Variants in SRPRB observed in about 807,000 individuals in gnomAD.
SRPRB encodes SRP receptor subunit beta, also known as signal recognition particle receptor subunit beta.
In SRPRB, 20 loss-of-function variants were observed where a neutral mutation model predicts 31.9. The ratio of observed to expected loss-of-function variants is 0.63; its 90% confidence interval spans 0.44 to 0.91. The LOEUF (loss-of-function observed/expected upper bound fraction) is 0.91, where lower values mean the gene tolerates loss of function less well. SRPRB is among the 40% of genes least tolerant of loss of function. The probability of loss-of-function intolerance (pLI) is 0.00; values close to 1 mark genes in which losing one functional copy is unlikely to be tolerated. For synonymous variants in SRPRB, 146 were observed against 132.8 expected, an observed-to-expected ratio of 1.10 and a Z score of -0.68; for missense variants, 321 against 324.9, an observed-to-expected ratio of 0.99 and a Z score of 0.09.
chr3:133,815,564 C>T, intron 4 of SRPRB, 26 bp from the exon 5 acceptor site: 1 of 1,611,272 alleles, frequency 6.2e-7, no homozygotes, highest in Non-Finnish European at 8.5e-7. Flanking sequence ...GTTCACATGC[C>T]AGTTTTTCTT....
upstream of SRPRB, among the ~76,000 whole-genome samples, chr3:133,801,775 G>C (rs1935066230): frequency 1.3e-5 from 2 of 152,204 alleles, no homozygotes; most frequent in East Asian, 3.8e-4. Flanking sequence ...AGGACCATAA[G>C]AAATAAGAGA....
chr3:133,793,030 T>G (rs1934879142), intron 1 of SRPRB: 1 of 152,208 alleles, frequency 6.6e-6, no homozygotes, highest in Non-Finnish European at 1.5e-5. Flanking sequence ...TACAAGGTTT[T>G]CTTAAAAATT....
At chr3:133,819,032 G>A (rs1935417236) in intron 6 of SRPRB, among the ~76,000 whole-genome samples, 1 of 152,112 alleles carries the variant, frequency 6.6e-6, no homozygotes, top group African/African-American at 2.4e-5. Flanking sequence ...GTGGCAGTAA[G>A]GGGACTTACA....
downstream of SRPRB, chr3:133,827,761 C>CCCCCCCCCCCCCCCCCCCCCCCCCA: frequency 1.0e-5 from 1 of 96,560 alleles, no homozygotes; most frequent in Non-Finnish European, 2.2e-5. Flanking sequence ...CCCCCCCCCC[C>CCCCCCCCCCCCCCCCCCCCCCCCCA]GCCTCCCCAT....
chr3:133,819,476 G>A, intron 6 of SRPRB, 77 bp from the exon 7 acceptor site: 9 of 1,387,212 alleles, frequency 6.5e-6, no homozygotes, highest in Non-Finnish European at 9.1e-6. Flanking sequence ...AATGAGTGCT[G>A]AAATGTTTAG....
chr3:133,799,724 G>C (rs376016438), intron 1 of SRPRB, among the ~76,000 whole-genome samples: 16 of 152,132 alleles, frequency 1.1e-4, no homozygotes, highest in East Asian at 7.7e-4. Context: ...ATTCTCCAAA[G>C]GTCCCAGCTA....
At chr3:133,792,432 CT>C (rs1934864088) in intron 1 of SRPRB, 1 of 152,206 alleles carries the variant, frequency 6.6e-6, no homozygotes, top group Non-Finnish European at 1.5e-5. Flanking sequence ...CACTATGACT[CT>C]TAACTCTACA....
rs1365829049 is a variant in SRPRB, at chr3:133,790,305, GC to G, written c.-174+6162del. ...CATATCTGATAGTTCAGGATTTCTA[GC>G]TTTTTAGCGTTTCACTAAAGTTTTA... On this transcript the variant is annotated intron_variant, in intron 1 of 7. Coordinates refer to the SRPRB transcript ENST00000466490. The G allele has an allele frequency of 2.0e-5, 3 of 152,170 alleles. 1 individual carries two copies. The highest frequency in any genetic ancestry group is 7.2e-5 in the African/African-American group (3 of 41,452). 9.4% of individuals were successfully genotyped at this position (152,170 alleles called of 1,614,324 possible). A position where few individuals can be genotyped will look rare whatever the true frequency, so the allele number is the denominator to read the frequency against.
Position 133,819,640 on chromosome 3 carries a change from A to T in SRPRB, c.690A>T (p.Lys230Asn), listed in dbSNP as rs2107977218. 6.2e-7 allele frequency: 1 copy of T among 1,614,050 alleles called. No individual in the cohort carries two copies. Among genetic ancestry groups the T allele is most frequent in the East Asian group, 2.2e-5 (1 of 44,896 alleles). ...TAPAQLGKKG[K>N]EFEFSQLPLK... ...CTGCTCAGCTGGGGAAGAAAGGCAAAGAGTTTGAATTCTCACAGTTGCCCC... is the reference window on the plus strand; with the variant it reads ...CTGCTCAGCTGGGGAAGAAAGGCAATGAGTTTGAATTCTCACAGTTGCCCC... Residue 230 changes from lysine to asparagine, a missense_variant, in exon 7 of 7, where the codon AAA becomes AAT. Lys to Asn is a moderately conservative substitution (Grantham distance 94, BLOSUM62 0). Transcript: ENST00000678299.
At chr3:133,825,895 C>G (rs553522893), downstream of SRPRB, 1 of 152,356 alleles carries the variant, frequency 6.6e-6, no homozygotes, top group African/African-American at 2.4e-5. Flanking sequence ...GCTAACCCAT[C>G]TGGATTCAGC....
Position 133,811,143 on chromosome 3 carries a change from TC to T in SRPRB, c.357del (p.Gly120AlafsTer5). The T allele has an allele frequency of 6.2e-7, 1 of 1,614,208 alleles. No homozygotes were observed. ...RGNSLTLIDL[P>X]GHESLRLQFL... ...GCAATAGTCTGACCTTGATTGACCT[TC>T]CCGGCCATGAGAGTTTGAGGCTTCA... On this transcript the variant is annotated frameshift_variant, in exon 4 of 7. Transcript: ENST00000678299. LOFTEE classifies it high-confidence loss of function.
At chr3:133,796,622 C>A (rs142620411) in intron 1 of SRPRB, 1 of 152,164 alleles carries the variant, frequency 6.6e-6, no homozygotes, top group Admixed American at 6.5e-5. Context: ...TTTCAATAAA[C>A]CTCTGCTTTT....
intron 3 of SRPRB, among the ~76,000 whole-genome samples, chr3:133,808,756 T>C (rs1176560107): frequency 6.6e-6 from 1 of 150,992 alleles, no homozygotes; most frequent in East Asian, 2.0e-4. Context: ...CCGGGTGTGG[T>C]GGTGGGCGCC....
chr3:133,806,340 T>G lies in SRPRB; in HGVS notation c.155-269T>G, dbSNP rs902511578. ...CTTGACACCAACTTTCAGCCTCCCGTGTTTGCGTGCGGGCGCTGGGATACC... is the reference window on the plus strand; with the variant it reads ...CTTGACACCAACTTTCAGCCTCCCGGGTTTGCGTGCGGGCGCTGGGATACC... On this transcript the variant is annotated intron_variant, in intron 1 of 6. Coordinates refer to ENST00000678299, the MANE Select transcript of SRPRB (RefSeq NM_001379313.1). 9.2e-5 allele frequency among the ~76,000 whole-genome samples: 14 copies of G among 152,158 alleles called. No homozygotes were observed. In the South Asian group the frequency reaches 1.2e-3, roughly 14 times the overall value.
At chr3:133,811,250 C>T in intron 4 of SRPRB, 51 bp downstream of exon 4, 1 of 1,567,330 alleles carries the variant, frequency 6.4e-7, no homozygotes, top group Non-Finnish European at 8.8e-7. Context: ...ATCTGTATAT[C>T]AAAGCCACTC....
rs1178159996 is a variant in SRPRB at position 133,808,893 on chromosome 3, A to G, written c.327+1070A>G. On this transcript the variant is annotated intron_variant, in intron 3 of 6. Transcript: ENST00000678299. ...CAATAGAGCGAGACTAAGTCTCAAAAAAAAAAAAAAAATATAAGGAATCAT... is the reference window on the plus strand; with the variant it reads ...CAATAGAGCGAGACTAAGTCTCAAAGAAAAAAAAAAAATATAAGGAATCAT... Among the ~76,000 whole-genome samples the G allele has an allele frequency of 1.4e-4, 21 of 150,846 alleles. 1 individual carries two copies. The highest frequency in any genetic ancestry group is 3.9e-4 in the East Asian group (2 of 5,136).
downstream of SRPRB, among the ~76,000 whole-genome samples, chr3:133,822,972 A>G (rs913528353): frequency 6.6e-6 from 1 of 152,232 alleles, no homozygotes; most frequent in African/African-American, 2.4e-5. Flanking sequence ...GCAGCAGACC[A>G]TGGAAATACT....
rs755192058 is a variant in SRPRB at position 133,815,599 on chromosome 3, G to T, written c.420G>T (p.Val140=). The T allele has an allele frequency of 6.2e-7, 1 of 1,613,770 alleles. No homozygotes were observed. Among genetic ancestry groups the T allele is most frequent in the African/African-American group, 1.3e-5 (1 of 74,836 alleles). The change falls in exon 5 of 7, where the codon GTG becomes GTT. Residue 140 remains valine (V), a synonymous_variant. Coordinates refer to ENST00000678299, the MANE Select transcript of SRPRB (RefSeq NM_001379313.1). ...ERFKSSARAI[V]FVVDSAAFQR... is the part of the protein sequence containing the mutation. ...TGTTTTCTCCCTCCAGGGCTATTGTGTTTGTTGTGGATAGTGCAGCATTCC... is the reference window on the plus strand; with the variant it reads ...TGTTTTCTCCCTCCAGGGCTATTGTTTTTGTTGTGGATAGTGCAGCATTCC...
intron 1 of SRPRB, chr3:133,787,490 T>C (rs1011868075): frequency 6.6e-6 from 1 of 152,270 alleles, no homozygotes; most frequent in African/African-American, 2.4e-5. Flanking sequence ...TTATATGAAA[T>C]ATCTGGTCTC....
Sources: gnomAD v4.1 joint callset for allele counts (sites outside exome capture counted in the v4.1 genomes callset) on GRCh38, gnomAD v4.1.1 for gene constraint, MANE v1.5 for transcripts, NCBI Gene and HGNC (gene_info 2026-07-23, HGNC 2026-07-21) for gene names.